Variants in FANCA observed in about 807,000 individuals in gnomAD.
The protein encoded by FANCA is Fanconi anemia group A protein.
FANCA carries 236 observed loss-of-function variants against 194.3 expected under a neutral mutation model. The observed-to-expected ratio is 1.21, with a 90% CI of 1.09 to 1.35. The LOEUF (loss-of-function observed/expected upper bound fraction) is 1.35. Ranked by LOEUF, FANCA falls within the 40% of genes most tolerant of loss-of-function variation. The pLI, the probability that FANCA is intolerant of heterozygous loss-of-function variation, is 0.00. For missense variants in FANCA, 2,628 were observed against 1,813.9 expected (o/e 1.45, Z -8.15); for synonymous variants, 1,014 against 715.8 (o/e 1.42, Z -6.65).
Position 89,748,657 on chromosome 16 carries a change from A to G in FANCA, c.3348+2T>C. 6.2e-7 allele frequency: 1 copy of G among 1,611,920 alleles called. No homozygotes were observed. Among genetic ancestry groups the G allele is most frequent in the Non-Finnish European group, 8.5e-7 (1 of 1,178,046 alleles). ...ACGGACACGTGCACACGGGGCACCT[A>G]CCATCTCAGAGTTGACCAAGTGGAA... On this transcript the variant is annotated splice_donor_variant, in intron 33 of 42. Coordinates refer to ENST00000389301, the MANE Select transcript of FANCA (RefSeq NM_000135.4). LOFTEE classifies it high-confidence loss of function.
intron 24 of FANCA, 113 bp downstream of exon 24, chr16:89,770,451 C>G: frequency 9.0e-7 from 1 of 1,110,720 alleles, no homozygotes; most frequent in South Asian, 1.3e-5. Flanking sequence ...AACTCAGCAT[C>G]GCCGCATGCT....
chr16:89,805,258 C>G lies in FANCA; in HGVS notation c.709+22G>C, dbSNP rs1470787846. 3 of 1,585,510 alleles carry G rather than the reference C, an allele frequency of 1.9e-6. No homozygotes were observed. The Admixed American group carries it at 5.0e-5, about 27-fold the overall frequency. ...ATCAAAATGAGTTTTACCCAAGAAC[C>G]CGCATCTTGTCATGAACGCACCAGA... On this transcript the variant is annotated intron_variant, in intron 7 of 42. Coordinates refer to ENST00000389301, the MANE Select transcript of FANCA (RefSeq NM_000135.4).
At chr16:89,774,729 C>CAAAAAAAAAAAAAAAAAAAA (rs780078944) in intron 21 of FANCA, among the ~76,000 whole-genome samples, 3 of 22,196 alleles carry the variant, frequency 1.4e-4, no homozygotes, top group Non-Finnish European at 2.4e-4. Context: ...GACTCTGTCT[C>CAAAAAAAAAAAAAAAAAAAA]AAAAAAAAAA....
At position 89,774,594 on chromosome 16, in the gene FANCA, G is replaced by A. The variant is rs1010204924; in HGVS notation, c.1900+1148C>T. ...AAACACAAAAAATTAGCCGGGTGTG[G>A]TGGCGGGCGCCTGTAGTCCCAGCCA... On this transcript the variant is annotated intron_variant, in intron 21 of 42. Coordinates refer to ENST00000389301, the MANE Select transcript of FANCA (RefSeq NM_000135.4). Among the ~76,000 whole-genome samples the A allele has an allele frequency of 3.9e-4, 60 of 151,900 alleles. No individual in the cohort carries two copies. In the South Asian group the frequency reaches 5.2e-3, roughly 13 times the overall value.
intron 29 of FANCA, among the ~76,000 whole-genome samples, chr16:89,759,562 A>C (rs3819568): frequency 6.6e-6 from 1 of 151,468 alleles, no homozygotes; most frequent in Non-Finnish European, 1.5e-5. Context: ...GGAGTCTGAC[A>C]TCAGCCTGAG....
rs1567660116 is a variant in FANCA at position 89,816,573 on chromosome 16, G to A, written c.43C>T (p.Pro15Ser). The A allele has an allele frequency of 6.6e-7, 1 of 1,517,312 alleles. No homozygotes were observed. 94.0% of individuals were successfully genotyped at this position (1,517,312 alleles called of 1,614,324 possible). ...GCCCAGGCCCTCCGGCGGCCCCCTG[G>A]GTCCTGGCCCGAGGCGGAGTTCGGG... ...WVPNSASGQD[P>S]GGRRRAWAEL... is the part of the protein sequence containing the mutation. Residue 15 changes from proline to serine, a missense_variant, in exon 1 of 43, where the codon CCA becomes TCA. By Grantham distance (74) the Pro-to-Ser change is moderately conservative (BLOSUM62 -1). Transcript: ENST00000389301.
At chr16:89,807,281 AC>A (rs199773507) in intron 6 of FANCA, among the ~76,000 whole-genome samples, 389 of 150,506 alleles carry the variant, frequency 2.6e-3, no homozygotes, top group African/African-American at 9.0e-3. Flanking sequence ...ACATGGTGAA[AC>A]CCCATCTCTA....
chr16:89,748,734 G>C lies in FANCA; in HGVS notation c.3273C>G (p.Cys1091Trp). The C allele has an allele frequency of 6.2e-7, 1 of 1,614,060 alleles. No individual in the cohort carries two copies. Among genetic ancestry groups the C allele is most frequent in the Non-Finnish European group, 8.5e-7 (1 of 1,180,006 alleles). Reference protein sequence around the residue: ...ILLRLPSSVLCGSSFQAEQPI... With the variant: ...ILLRLPSSVLWGSSFQAEQPI... ...GCTGTTCTGCCTGGAAGCTGCTGCC[G>C]CAGAGGACAGACGAAGGCAGGCGGA... The change falls in exon 33 of 43, where the codon TGC (cysteine) becomes TGG (tryptophan). Residue 1091 changes from cysteine to tryptophan, a missense_variant. Coordinates refer to ENST00000389301, the MANE Select transcript of FANCA (RefSeq NM_000135.4).
chr16:89,761,927 G>A (rs2038966168), intron 29 of FANCA, 22 bp downstream of exon 29: 3 of 1,602,500 alleles, frequency 1.9e-6, no homozygotes, highest in African/African-American at 2.7e-5. Context: ...GCCTGGCCAG[G>A]GTAGCTCTTT....
intron 33 of FANCA, 124 bp from the exon 34 acceptor site, chr16:89,747,014 T>C (rs2038414413): frequency 2.2e-6 from 2 of 921,948 alleles, no homozygotes; most frequent in Non-Finnish European, 3.4e-6. Context: ...GTGGCCACCA[T>C]GGATGGTGCT....
Position 89,782,841 on chromosome 16 carries a change from G to T in FANCA, c.1626+18C>A, listed in dbSNP as rs1294503535. Reference sequence around the variant, plus strand: ...GGGCGTGACTGGCTGAGACCCTGCAGGGCTCAAGCAACATTACCTCAGTAA... The same window carrying T: ...GGGCGTGACTGGCTGAGACCCTGCATGGCTCAAGCAACATTACCTCAGTAA... On this transcript the variant is annotated intron_variant, in intron 17 of 42. Transcript: ENST00000389301. 1 of 1,611,232 alleles carries T rather than the reference G, an allele frequency of 6.2e-7. No homozygotes were observed. The highest frequency in any genetic ancestry group is 1.1e-5 in the South Asian group (1 of 91,000).
intron 27 of FANCA, among the ~76,000 whole-genome samples, chr16:89,766,663 C>T (rs908851242): frequency 6.6e-6 from 1 of 150,768 alleles, no homozygotes; most frequent in African/African-American, 2.4e-5. Flanking sequence ...TGCAGTGGGC[C>T]GAGATCGCAC....
At chr16:89,814,834 G>C (rs1165358785) in intron 2 of FANCA, among the ~76,000 whole-genome samples, 3 of 152,032 alleles carry the variant, frequency 2.0e-5, no homozygotes, top group Admixed American at 6.6e-5. Flanking sequence ...CCAGCCACTC[G>C]GGAGGCTGAG....
At chr16:89,750,393 GA>G (rs2038543870) in intron 31 of FANCA, among the ~76,000 whole-genome samples, 1 of 152,190 alleles carries the variant, frequency 6.6e-6, no homozygotes, top group East Asian at 1.9e-4. Context: ...TGAGGCAGGA[GA>G]ATGGCGTGAA....
intron 21 of FANCA, among the ~76,000 whole-genome samples, chr16:89,774,257 C>G (rs904743916): frequency 1.3e-5 from 2 of 152,152 alleles, no homozygotes; most frequent in African/African-American, 4.8e-5. Context: ...TAAGCCTCAT[C>G]AGACAAATGA....
chr16:89,792,649 T>G lies in FANCA; in HGVS notation c.1007-102A>C, dbSNP rs1284526303. The G allele has an allele frequency of 3.3e-6, 3 of 906,564 alleles. No homozygotes were observed. In the East Asian group the frequency reaches 7.9e-5, roughly 24 times the overall value. 56.2% of individuals were successfully genotyped at this position (906,564 alleles called of 1,614,324 possible). A position where few individuals can be genotyped will look rare whatever the true frequency, so the allele number is the denominator to read the frequency against. ...CAGGGTCGGTGGGTCTCTCCCCGTG[T>G]GCGGCGACGAGAGAGTGTAGAAAGA... On this transcript the variant is annotated intron_variant, in intron 11 of 42. Transcript: ENST00000389301.
chr16:89,795,770 A>T, intron 11 of FANCA, 136 bp downstream of exon 11: 1 of 710,246 alleles, frequency 1.4e-6, no homozygotes, highest in Non-Finnish European at 2.6e-6. Context: ...GCATCTGAGG[A>T]CCCAGTCTCT....
intron 10 of FANCA, chr16:89,798,780 G>C: frequency 2.1e-6 from 3 of 1,412,202 alleles, no homozygotes; most frequent in African/African-American, 1.4e-5. Context: ...CACAGCTACA[G>C]TGTGTTCTAG....
In FANCA at chr16:89,815,897, G is replaced by C. The variant is rs368828271; in HGVS notation, c.169C>G (p.Leu57Val). The change falls in exon 2 of 43, where the codon CTG becomes GTG. Residue 57 changes from leucine (L) to valine (V), a missense_variant. Physicochemically the swap from Leu to Val is conservative, Grantham distance 32. Coordinates refer to ENST00000389301, the MANE Select transcript of FANCA (RefSeq NM_000135.4). ...CTTACCTCAAGCAAAAGGGCATTCA[G>C]GTCCTGATGGCTTCGCAGGAGGCGC... The part of the protein sequence containing the change: ...AVRLLRSHQD[L>V]NALLLEVEGP... The C allele has an allele frequency of 6.2e-7, 1 of 1,613,776 alleles. No individual in the cohort carries two copies. Among genetic ancestry groups the C allele is most frequent in the Non-Finnish European group, 8.5e-7 (1 of 1,179,790 alleles).
Sources: allele counts gnomAD v4.1 joint callset (sites outside exome capture counted in the v4.1 genomes callset), GRCh38; gene constraint gnomAD v4.1.1; transcripts MANE v1.5; gene names NCBI Gene and HGNC (gene_info 2026-07-23, HGNC 2026-07-21).